Variants in PHC3 observed in about 807,000 individuals in gnomAD.
PHC3 encodes polyhomeotic-like protein 3.
A neutral mutation model predicts 107.4 loss-of-function variants in PHC3; 13 were observed. The observed-to-expected ratio is 0.12, with a 90% confidence interval of 0.08 to 0.19. The LOEUF is 0.19. Among genes scored for constraint, PHC3 ranks in the 10% least tolerant of loss-of-function variants. The pLI is 1.00. For synonymous variants in PHC3, 456 were observed against 427.4 expected, an observed-to-expected ratio of 1.07 and a Z score of -0.83; for missense variants, 992 against 1,210.9, an observed-to-expected ratio of 0.82 and a Z score of 2.68.
chr3:170,135,103 T>C (rs1722852187), intron 7 of PHC3, among the ~76,000 whole-genome samples: 3 of 152,212 alleles, frequency 2.0e-5, no homozygotes, highest in African/African-American at 7.2e-5. Context: ...AGAAAAAAGA[T>C]GCTTACCCGA....
intron 4 of PHC3, among the ~76,000 whole-genome samples, chr3:170,153,338 G>C (rs962688756): frequency 3.3e-5 from 5 of 151,944 alleles, no homozygotes; most frequent in Non-Finnish European, 5.9e-5. Context: ...CACTTAGTTT[G>C]AGACTTTGGG....
rs919490099 is a variant in PHC3, at chr3:170,093,496, G to C, written c.*3734C>G. On this transcript the variant is annotated 3_prime_UTR_variant, in exon 15 of 15. Transcript: ENST00000495893. ...CCAGTCAGTTTCATCCACTGGATAT[G>C]GCTGTCAGGTCAGCATCACTCACAT... 3 of 152,152 alleles carry C rather than the reference G, an allele frequency of 2.0e-5. No individual in the cohort carries two copies. Among genetic ancestry groups the C allele is most frequent in the African/African-American group, 7.2e-5 (3 of 41,436 alleles). 9.4% of individuals were successfully genotyped at this position (152,152 alleles called of 1,614,324 possible).
intron 2 of PHC3, among the ~76,000 whole-genome samples, chr3:170,175,353 G>T (rs980269412): frequency 1.3e-5 from 2 of 152,088 alleles, no homozygotes; most frequent in Non-Finnish European, 2.9e-5. Context: ...TATATTAAGC[G>T]ATCACATTAT....
chr3:170,113,491 T>C lies in PHC3; in HGVS notation c.2222A>G (p.Gln741Arg), dbSNP rs1200294402. 1.9e-6 allele frequency: 3 copies of C among 1,611,316 alleles called. No individual in the cohort carries two copies. In the South Asian group the frequency reaches 3.3e-5, roughly 18 times the overall value. The part of the protein sequence containing the change: ...PVSRSSLLIE[Q>R]PVKKRPLLDN... ...CAAAAGAGGCCGTTTTTTCACAGGC[T>C]GTTCTATTAGCAAAGAGGAACGACT... Residue 741 changes from glutamine (Q) to arginine (R), a missense_variant, in exon 11 of 15, where the codon CAG (glutamine) becomes CGG (arginine). Coordinates refer to ENST00000495893, the MANE Select transcript of PHC3 (RefSeq NM_024947.4).
chr3:170,156,010 C>T (rs1034513799), intron 4 of PHC3, among the ~76,000 whole-genome samples: 2 of 151,980 alleles, frequency 1.3e-5, no homozygotes, highest in Non-Finnish European at 2.9e-5. Flanking sequence ...TATTAATTTG[C>T]TTTTATCATG....
At chr3:170,108,368 T>C (rs1414991388) in intron 11 of PHC3, among the ~76,000 whole-genome samples, 5 of 152,174 alleles carry the variant, frequency 3.3e-5, no homozygotes, top group Non-Finnish European at 7.4e-5. Flanking sequence ...GGCAAAGTGC[T>C]AAATTAAGTG....
chr3:170,164,228 C>T (rs1728379081), intron 4 of PHC3, among the ~76,000 whole-genome samples: 1 of 152,202 alleles, frequency 6.6e-6, no homozygotes, highest in South Asian at 2.1e-4. Context: ...CAAAAAAATA[C>T]AGGAGAGCTT....
chr3:170,150,743 A>C (rs1156670915), intron 4 of PHC3: 1 of 421,878 alleles, frequency 2.4e-6, no homozygotes, highest in African/African-American at 2.1e-5. Flanking sequence ...AAAAAAACCC[A>C]ATAAACTAGT....
At chr3:170,122,328 G>A (rs1188980159) in intron 9 of PHC3, among the ~76,000 whole-genome samples, 1 of 152,108 alleles carries the variant, frequency 6.6e-6, no homozygotes, top group African/African-American at 2.4e-5. Flanking sequence ...AACAGGCTGG[G>A]TGCAATGGCT....
chr3:170,123,204 T>C (rs1720679738), intron 8 of PHC3, among the ~76,000 whole-genome samples: 2 of 152,272 alleles, frequency 1.3e-5, no homozygotes, highest in Non-Finnish European at 1.5e-5. Context: ...TCCTTATTAT[T>C]ATGTAATTTA....
At chr3:170,164,230 G>C (rs1728379480) in intron 4 of PHC3, among the ~76,000 whole-genome samples, 1 of 152,034 alleles carries the variant, frequency 6.6e-6, no homozygotes, top group Non-Finnish European at 1.5e-5. Flanking sequence ...AAAAAATACA[G>C]GAGAGCTTTA....
rs577883498 is a variant in PHC3 at position 170,181,555 on chromosome 3, G to A, written c.14+147C>T. On this transcript the variant is annotated intron_variant, in intron 1 of 14. Transcript: ENST00000495893. ...GTCTTCGCCCCGCGACACGGGCCTAGCCGGCTCCTCCACGATAGGACGGGT... is the reference window on the plus strand; with the variant it reads ...GTCTTCGCCCCGCGACACGGGCCTAACCGGCTCCTCCACGATAGGACGGGT... 262 of 1,190,370 alleles carry A rather than the reference G, an allele frequency of 2.2e-4. 1 individual carries two copies. The South Asian group carries it at 3.2e-3, about 15-fold the overall frequency. The allele number at this position is 1,190,370 out of a possible 1,614,324, so 73.7% of individuals were successfully genotyped here.
At chr3:170,146,632 A>C (rs912194031) in intron 5 of PHC3, among the ~76,000 whole-genome samples, 1 of 148,444 alleles carries the variant, frequency 6.7e-6, no homozygotes, top group African/African-American at 2.5e-5. Flanking sequence ...TCCCGGGTTC[A>C]AGCGATTCTC....
chr3:170,137,967 C>A (rs1254782886), intron 6 of PHC3, among the ~76,000 whole-genome samples: 1 of 151,944 alleles, frequency 6.6e-6, no homozygotes, highest in Non-Finnish European at 1.5e-5. Context: ...TTTGGGAGGC[C>A]GAGGTGGGTG....
rs1174515889 is a variant in PHC3 at position 170,126,504 on chromosome 3, G to GTATATA, written c.1788+2174_1788+2179dup. Among the ~76,000 whole-genome samples the GTATATA allele has an allele frequency of 1.4e-3, 161 of 117,294 alleles. 1 individual carries two copies. Among genetic ancestry groups the GTATATA allele is most frequent in the Non-Finnish European group, 2.1e-3 (127 of 60,204 alleles). 76.9% of individuals were successfully genotyped at this position (117,294 alleles called of 152,430 possible). ...GTTTTCAAAGTATTATGCTCCATAT[G>GTATATA]TATATATATATATATATATATATAT... On this transcript the variant is annotated intron_variant, in intron 8 of 14. Transcript: ENST00000495893.
Position 170,126,775 on chromosome 3 carries a change from A to T in PHC3, c.1788+1909T>A, listed in dbSNP as rs181412030. Among the ~76,000 whole-genome samples, 922 of 151,852 alleles carry T rather than the reference A, an allele frequency of 6.1e-3. 8 individuals are homozygous for T. The highest frequency in any genetic ancestry group is 0.01 in the Non-Finnish European group (695 of 67,910). On this transcript the variant is annotated intron_variant, in intron 8 of 14. Coordinates refer to ENST00000495893, the MANE Select transcript of PHC3 (RefSeq NM_024947.4). ...AGGCTGGTCTTGAACTCCTGACCTC[A>T]GGTGATCCACCTGCCTTGGCCTCCC... is the stretch of plus-strand genomic sequence containing the variant.
chr3:170,111,059 C>G (rs1717541387), intron 11 of PHC3, among the ~76,000 whole-genome samples: 2 of 151,974 alleles, frequency 1.3e-5, no homozygotes, highest in Non-Finnish European at 2.9e-5. Flanking sequence ...CAATACAGAC[C>G]TTATTTGGAA....
At chr3:170,113,627 G>A in intron 10 of PHC3, 108 bp from the exon 11 acceptor site, 1 of 1,034,118 alleles carries the variant, frequency 9.7e-7, no homozygotes, top group South Asian at 1.7e-5. Flanking sequence ...TAATTTACTA[G>A]TTCAACTGAT....
Position 170,172,588 on chromosome 3 carries a change from C to T in PHC3, c.305G>A (p.Ser102Asn), listed in dbSNP as rs1355282202. ...TAALQQQHLSSSQLQSLAAVQ... is the reference protein window; with the variant it reads ...TAALQQQHLSNSQLQSLAAVQ... ...AGCAGCAAGGCTCTGAAGCTGGGAG[C>T]TGCTTAAATGCTGCTGCTGAAGAGC... is the stretch of plus-strand genomic sequence containing the variant. The change falls in exon 3 of 15, where the codon AGC becomes AAC. Residue 102 changes from serine (S) to asparagine (N), a missense_variant. Transcript: ENST00000495893. 1 of 1,613,274 alleles carries T rather than the reference C, an allele frequency of 6.2e-7. No individual in the cohort carries two copies. The highest frequency in any genetic ancestry group is 8.5e-7 in the Non-Finnish European group (1 of 1,179,774).
Sources: gnomAD v4.1 joint callset for allele counts (sites outside exome capture counted in the v4.1 genomes callset) on GRCh38, gnomAD v4.1.1 for gene constraint, MANE v1.5 for transcripts, NCBI Gene and HGNC (gene_info 2026-07-23, HGNC 2026-07-21) for gene names.